Variants in TP73 observed in about 807,000 individuals in gnomAD.
TP73 encodes tumor protein p73.
TP73 carries 25 observed loss-of-function variants against 62.5 expected under a neutral mutation model. That is an observed-to-expected ratio of 0.40 (90% CI 0.29 to 0.56). TP73 has a LOEUF of 0.56. TP73 is among the 20% of genes least tolerant of loss of function. The probability of loss-of-function intolerance (pLI) is 0.46; values close to 1 mark genes in which losing one functional copy is unlikely to be tolerated. For missense variants in TP73, 754 were observed against 913.3 expected (o/e 0.83, Z 2.25); for synonymous variants, 423 against 377.5 (o/e 1.12, Z -1.40).
At chr1:3,731,659 T>C (rs1427405169) in intron 13 of TP73, 103 bp downstream of exon 13, 3 of 1,097,856 alleles carry the variant, frequency 2.7e-6, no homozygotes, top group Middle Eastern at 2.7e-4. Flanking sequence ...CTGGGAAACT[T>C]GGAAACCCTT....
chr1:3,689,059 T>G (rs1206120951), intron 3 of TP73, among the ~76,000 whole-genome samples: 2 of 152,110 alleles, frequency 1.3e-5, no homozygotes, highest in East Asian at 3.9e-4. Flanking sequence ...GCCTCGGCCC[T>G]GCTCTGAGGG....
chr1:3,729,192 T>C (rs1641925707), intron 9 of TP73, 135 bp from the exon 10 acceptor site: 4 of 1,249,196 alleles, frequency 3.2e-6, no homozygotes, highest in East Asian at 2.4e-5. Context: ...CAGGGGATCC[T>C]GAGCCTCTGG....
intron 1 of TP73, among the ~76,000 whole-genome samples, chr1:3,677,778 C>T (rs1200317762): frequency 6.0e-5 from 9 of 150,914 alleles, no homozygotes; most frequent in Admixed American, 5.3e-4. Flanking sequence ...ACTGCAGCCT[C>T]GAGCCCCTGG....
chr1:3,688,139 C>T (rs377618884), intron 3 of TP73, among the ~76,000 whole-genome samples: 20 of 152,238 alleles, frequency 1.3e-4, no homozygotes, highest in African/African-American at 4.8e-4. Context: ...AGGGAGGGGG[C>T]TCAGCTCACC....
intron 6 of TP73, 104 bp downstream of exon 6, chr1:3,723,573 G>A (rs1426728711): frequency 2.3e-5 from 1 of 42,884 alleles, no homozygotes; most frequent in African/African-American, 3.0e-4. Context: ...TGGCTGATCT[G>A]CCTGCCTGTC....
At chr1:3,675,505 C>G (rs1645343493) in intron 1 of TP73, among the ~76,000 whole-genome samples, 1 of 152,148 alleles carries the variant, frequency 6.6e-6, no homozygotes, top group African/African-American at 2.4e-5. Flanking sequence ...TCCCTCCTCC[C>G]TGAATGGAGG....
At chr1:3,686,676 T>C (rs1645664990) in intron 3 of TP73, among the ~76,000 whole-genome samples, 2 of 152,108 alleles carry the variant, frequency 1.3e-5, no homozygotes, top group South Asian at 4.1e-4. Flanking sequence ...TGTGTGGCCA[T>C]AGCAGGAAAC....
chr1:3,700,603 C>G (rs1009177135), intron 3 of TP73, among the ~76,000 whole-genome samples: 4 of 152,106 alleles, frequency 2.6e-5, no homozygotes, highest in African/African-American at 7.2e-5. Context: ...TCGAGACCAG[C>G]CTGGCCAACA....
In TP73 at chr1:3,670,669, A is replaced by T. The variant is rs892441895; in HGVS notation, c.-33-11664A>T. Among the ~76,000 whole-genome samples, 13 of 152,182 alleles carry T rather than the reference A, an allele frequency of 8.5e-5. No individual in the cohort carries two copies. Among genetic ancestry groups the T allele is most frequent in the South Asian group, 4.1e-4 (2 of 4,828 alleles). ...TGACAGAGCGAGACTCTATCTCAAAAAAAATAAAATAAAATAAAAAAGATA... is the reference window on the plus strand; with the variant it reads ...TGACAGAGCGAGACTCTATCTCAAATAAAATAAAATAAAATAAAAAAGATA... On this transcript the variant is annotated intron_variant, in intron 1 of 13. Transcript: ENST00000378295. This position sits in a 1 kb window ranked among gnomAD's most constrained non-coding sequence, Gnocchi z 5.9.
intron 1 of TP73, among the ~76,000 whole-genome samples, chr1:3,659,677 T>G (rs1644948585): frequency 6.6e-6 from 1 of 151,894 alleles, no homozygotes. Context: ...TCAGTAAGAT[T>G]ATTATTATTA....
intron 1 of TP73, among the ~76,000 whole-genome samples, chr1:3,680,726 C>T (rs544568292): frequency 2.0e-5 from 3 of 152,334 alleles, no homozygotes; most frequent in Admixed American, 1.3e-4. Flanking sequence ...GCTGGACCTG[C>T]GGTTCTGCTT....
intron 3 of TP73, among the ~76,000 whole-genome samples, chr1:3,684,047 C>G (rs1335957101): frequency 6.6e-6 from 1 of 152,226 alleles, no homozygotes; most frequent in Admixed American, 6.5e-5. Flanking sequence ...GGGGGCCACG[C>G]TCCTGCCTAC....
In TP73 at chr1:3,696,587, G is replaced by C. The variant is rs990720414; in HGVS notation, c.187-10962G>C. Among the ~76,000 whole-genome samples the C allele has an allele frequency of 2.0e-5, 3 of 151,798 alleles. No individual in the cohort carries two copies. Among genetic ancestry groups the C allele is most frequent in the African/African-American group, 7.3e-5 (3 of 41,284 alleles). On this transcript the variant is annotated intron_variant, in intron 3 of 13. Coordinates refer to ENST00000378295, the MANE Select transcript of TP73 (RefSeq NM_005427.4). This position sits in a 1 kb window ranked among gnomAD's most constrained non-coding sequence, Gnocchi z 4.1. Reference sequence around the variant, plus strand: ...AGAGGGGCAGCCTGGGAGGCCAGGAGGCACGAGAGGCTGGCTGGGAGAACA... The same window carrying C: ...AGAGGGGCAGCCTGGGAGGCCAGGACGCACGAGAGGCTGGCTGGGAGAACA...
intron 3 of TP73, among the ~76,000 whole-genome samples, chr1:3,692,965 C>T (rs954159843): frequency 2.2e-4 from 33 of 152,318 alleles, no homozygotes; most frequent in Non-Finnish European, 3.7e-4. Context: ...TGTGCCATCA[C>T]TGTTTCTTTT....
rs140541850 is a variant in TP73 at position 3,727,123 on chromosome 1, G to T, written c.741G>T (p.Thr247=). The change falls in exon 7 of 14, where the codon ACG becomes ACT. Residue 247 remains threonine (T), a synonymous_variant. Coordinates refer to ENST00000378295, the MANE Select transcript of TP73 (RefSeq NM_005427.4). ...TGCTCCCCCATGTGCAGGTGGGGAC[G>T]GAATTCACCACCATCCTGTACAACT... ...VVPYEPPQVG[T]EFTTILYNFM... 6.2e-7 allele frequency: 1 copy of T among 1,611,690 alleles called. No individual in the cohort carries two copies. Among genetic ancestry groups the T allele is most frequent in the Non-Finnish European group, 8.5e-7 (1 of 1,179,300 alleles).
At position 3,735,573 on chromosome 1, in the gene TP73, C is replaced by T. The variant is rs1436224994; in HGVS notation, c.*2494C>T. On this transcript the variant is annotated 3_prime_UTR_variant, in exon 14 of 14. Coordinates refer to ENST00000378295, the MANE Select transcript of TP73 (RefSeq NM_005427.4). Reference sequence around the variant, plus strand: ...AAAGTAGACAGAGTTGAGACTTCGCCGTGGTCAGGAGAAAATGCAAATTCC... The same window carrying T: ...AAAGTAGACAGAGTTGAGACTTCGCTGTGGTCAGGAGAAAATGCAAATTCC... 1.3e-5 allele frequency: 2 copies of T among 152,186 alleles called. No homozygotes were observed. Among genetic ancestry groups the T allele is most frequent in the African/African-American group, 4.8e-5 (2 of 41,432 alleles). 9.4% of individuals were successfully genotyped at this position (152,186 alleles called of 1,614,324 possible).
rs758809749 is a variant in TP73 at position 3,707,815 on chromosome 1, G to T, written c.429+24G>T. 1.1e-5 allele frequency: 17 copies of T among 1,589,948 alleles called. No individual in the cohort carries two copies. The Admixed American group carries it at 2.3e-4, about 21-fold the overall frequency. On this transcript the variant is annotated intron_variant, in intron 4 of 13. Transcript: ENST00000378295. ...CGGTGAGTTCCCCTAGTCCCTGAGG[G>T]CTGCGGGCTGCGGGCTGCGGGCTGG...
At chr1:3,667,998 C>T (rs1645159084) in intron 1 of TP73, among the ~76,000 whole-genome samples, 1 of 152,238 alleles carries the variant, frequency 6.6e-6, no homozygotes, top group South Asian at 2.1e-4. Flanking sequence ...AGGGAACAGA[C>T]TTGGCCATGG....
intron 3 of TP73, among the ~76,000 whole-genome samples, chr1:3,700,136 C>T (rs1157175057): frequency 5.3e-5 from 8 of 152,052 alleles, no homozygotes; most frequent in Non-Finnish European, 1.0e-4. Flanking sequence ...ATTTGTGCCC[C>T]GCCCTCCCCA....
Sources: allele counts gnomAD v4.1 joint callset (sites outside exome capture counted in the v4.1 genomes callset), GRCh38; gene constraint gnomAD v4.1.1; non-coding constraint Gnocchi (gnomAD v3.1); transcripts MANE v1.5; gene names NCBI Gene and HGNC (gene_info 2026-07-23, HGNC 2026-07-21).